The following KYNU variants were observed in gnomAD, a reference collection of about 807,000 sequenced individuals.
The protein encoded by KYNU is L-kynurenine hydrolase.
Under a neutral mutation model 59.2 loss-of-function variants are expected in KYNU, and 54 were observed. The observed-to-expected ratio is 0.91, with a 90% CI of 0.73 to 1.14. The LOEUF (loss-of-function observed/expected upper bound fraction) is 1.14. Ranked by LOEUF, KYNU falls within the 50% of genes most tolerant of loss-of-function variation. KYNU has a pLI of 0.00. For synonymous variants in KYNU, 177 were observed against 192.0 expected, an observed-to-expected ratio of 0.92 and a Z score of 0.65; for missense variants, 567 against 554.4, an observed-to-expected ratio of 1.02 and a Z score of -0.23.
chr2:142,892,695 G>A (rs932927408), intron 2 of KYNU, among the ~76,000 whole-genome samples: 1 of 152,134 alleles, frequency 6.6e-6, no homozygotes, highest in Admixed American at 6.5e-5. Context: ...AGTAGGAGAG[G>A]CATACCATGA....
chr2:142,967,016 A>G (rs2105114169), intron 8 of KYNU, among the ~76,000 whole-genome samples: 1 of 152,144 alleles, frequency 6.6e-6, no homozygotes. Flanking sequence ...CAGTTTGGCC[A>G]GGACTCAAGA....
chr2:142,947,246 G>A (rs956245291), intron 4 of KYNU: 39 of 1,547,676 alleles, frequency 2.5e-5, no homozygotes, highest in Admixed American at 1.6e-4. Flanking sequence ...AACCTTGAGA[G>A]AGGAAGATTT....
intron 8 of KYNU, among the ~76,000 whole-genome samples, chr2:142,973,391 C>A (rs1684791018): frequency 6.6e-6 from 1 of 152,124 alleles, no homozygotes; most frequent in African/African-American, 2.4e-5. Flanking sequence ...CTTCTCAGAA[C>A]CTCAAGCCTA....
chr2:142,894,771 A>C lies in KYNU; in HGVS notation c.169+9235A>C, dbSNP rs186263666. Among the ~76,000 whole-genome samples, 509 of 152,294 alleles carry C rather than the reference A, an allele frequency of 3.3e-3. 2 individuals are homozygous for C. The highest frequency in any genetic ancestry group is 5.6e-3 in the Non-Finnish European group (379 of 68,030). ...GGAAGAATATATATTTTCTTTTTTAAACTAATGCCATAGTTCAATTATTTA... is the reference window on the plus strand; with the variant it reads ...GGAAGAATATATATTTTCTTTTTTACACTAATGCCATAGTTCAATTATTTA... On this transcript the variant is annotated intron_variant, in intron 2 of 13. Transcript: ENST00000264170.
rs1487342618 is a variant in KYNU at position 143,007,742 on chromosome 2, G to A, written c.902+21721G>A. ...AACCCTACAAGCCAGAAGAGAGTGG[G>A]GGCCAATATTCAACATTCTTAAAGA... On this transcript the variant is annotated intron_variant, in intron 10 of 13. Coordinates refer to ENST00000264170, the MANE Select transcript of KYNU (RefSeq NM_003937.3). 2.4e-5 allele frequency among the ~76,000 whole-genome samples: 3 copies of A among 122,840 alleles called. 1 individual carries two copies. Among genetic ancestry groups the A allele is most frequent in the Non-Finnish European group, 4.9e-5 (3 of 61,004 alleles). 80.6% of individuals were successfully genotyped at this position (122,840 alleles called of 152,430 possible). A position where few individuals can be genotyped will look rare whatever the true frequency, so the allele number is the denominator to read the frequency against.
At chr2:142,972,813 T>TATATATAG (rs1478067181) in intron 8 of KYNU, among the ~76,000 whole-genome samples, 267 of 124,194 alleles carry the variant, frequency 2.1e-3, no homozygotes, top group African/African-American at 7.1e-3. Flanking sequence ...TATATATATA[T>TATATATAG]AGAGAGAGAG....
intron 4 of KYNU, among the ~76,000 whole-genome samples, chr2:142,929,311 A>G (rs1191999659): frequency 6.6e-6 from 1 of 150,486 alleles, no homozygotes; most frequent in African/African-American, 2.4e-5. Flanking sequence ...GATGATAATA[A>G]TATCTGGGGA....
At chr2:143,033,477 A>T (rs1489846161) in intron 12 of KYNU, among the ~76,000 whole-genome samples, 156 bp downstream of exon 12, 1 of 152,182 alleles carries the variant, frequency 6.6e-6, no homozygotes. Flanking sequence ...TAGGACAGTG[A>T]TGATGTGGTG....
At chr2:143,036,069 AT>A (rs1347718807) in intron 12 of KYNU, among the ~76,000 whole-genome samples, 1 of 151,290 alleles carries the variant, frequency 6.6e-6, no homozygotes, top group African/African-American at 2.4e-5. Flanking sequence ...TTATTTTTAA[AT>A]TTTTTTAGAG....
At position 142,892,663 on chromosome 2, in the gene KYNU, C is replaced by T. The variant is rs1681752246; in HGVS notation, c.169+7127C>T. Among the ~76,000 whole-genome samples the T allele has an allele frequency of 2.6e-5, 4 of 152,188 alleles. 1 individual carries two copies. The South Asian group carries it at 8.3e-4, about 32-fold the overall frequency. On this transcript the variant is annotated intron_variant, in intron 2 of 13. Coordinates refer to ENST00000264170, the MANE Select transcript of KYNU (RefSeq NM_003937.3). Reference sequence around the variant, plus strand: ...ATATTCAGTAAATACATGAAATACTCATTAAATAAACCTGATTTAGTAGTA... The same window carrying T: ...ATATTCAGTAAATACATGAAATACTTATTAAATAAACCTGATTTAGTAGTA...
intron 4 of KYNU, among the ~76,000 whole-genome samples, chr2:142,933,089 G>C (rs1234858542): frequency 6.6e-6 from 1 of 152,128 alleles, no homozygotes; most frequent in Non-Finnish European, 1.5e-5. Flanking sequence ...GTTATGGGTT[G>C]AATAAACTGT....
At chr2:142,939,602 C>CAAAAAA (rs71301737) in intron 4 of KYNU, among the ~76,000 whole-genome samples, 569 of 64,954 alleles carry the variant, frequency 8.8e-3, no homozygotes, top group East Asian at 0.018. Flanking sequence ...CTCCATCTCA[C>CAAAAAA]AAAAAAAAAA....
At chr2:143,032,374 A>AT (rs1314231767) in intron 11 of KYNU, among the ~76,000 whole-genome samples, 1 of 152,040 alleles carries the variant, frequency 6.6e-6, no homozygotes, top group Non-Finnish European at 1.5e-5. Context: ...TGAGAACGGC[A>AT]TGCAGGAAAC....
intron 3 of KYNU, among the ~76,000 whole-genome samples, chr2:142,926,922 A>G (rs1428255524): frequency 6.6e-6 from 1 of 152,194 alleles, no homozygotes; most frequent in Non-Finnish European, 1.5e-5. Context: ...AGATACAACA[A>G]TGTAACAGCA....
chr2:143,014,070 T>A lies in KYNU; in HGVS notation c.903-15557T>A, dbSNP rs189429931. On this transcript the variant is annotated intron_variant, in intron 10 of 13. Transcript: ENST00000264170. The stretch of plus-strand genomic sequence containing the variant: ...GAGGATATAGTATGAACCTGGGTTT[T>A]AAATGGAGGTGCTATCACACACAGG... Among the ~76,000 whole-genome samples, 325 of 152,340 alleles carry A rather than the reference T, an allele frequency of 2.1e-3. 2 individuals carry two copies. Among genetic ancestry groups the A allele is most frequent in the Admixed American group, 0.02 (307 of 15,294 alleles).
intron 12 of KYNU, among the ~76,000 whole-genome samples, chr2:143,037,873 C>T (rs894011977): frequency 3.9e-5 from 6 of 152,166 alleles, no homozygotes; most frequent in African/African-American, 1.4e-4. Context: ...CTTTTACCCT[C>T]TGTGAGATGA....
In KYNU at chr2:142,956,080, T is replaced by A. The variant is rs111542103; in HGVS notation, c.436-123T>A. On this transcript the variant is annotated intron_variant, in intron 5 of 13. Transcript: ENST00000264170. ...TGAAAAGGTAGTCCTGACAAACACT[T>A]AAGATGTTGAGTTAATTAATGTCTT... 1,650 of 612,356 alleles carry A rather than the reference T, an allele frequency of 2.7e-3. 18 individuals carry two copies. In the African/African-American group the frequency reaches 0.028, roughly 10 times the overall value. 37.9% of individuals were successfully genotyped at this position (612,356 alleles called of 1,614,324 possible).
chr2:142,904,199 A>G (rs1349590797), intron 2 of KYNU, among the ~76,000 whole-genome samples: 2 of 152,230 alleles, frequency 1.3e-5, no homozygotes, highest in African/African-American at 2.4e-5. Context: ...CTTAGTCTCT[A>G]CAGAAAGGCA....
chr2:143,043,340 A>G lies in KYNU; in HGVS notation c.*1168A>G, dbSNP rs1281108714. 3 of 152,068 alleles carry G rather than the reference A, an allele frequency of 2.0e-5. No homozygotes were observed. Among genetic ancestry groups the G allele is most frequent in the Non-Finnish European group, 4.4e-5 (3 of 67,974 alleles). The allele number at this position is 152,068 out of a possible 1,614,324, so 9.4% of individuals were successfully genotyped here. A position where few individuals can be genotyped will look rare whatever the true frequency, so the allele number is the denominator to read the frequency against. On this transcript the variant is annotated 3_prime_UTR_variant, in exon 14 of 14. Transcript: ENST00000264170. The stretch of plus-strand genomic sequence containing the variant: ...GCCCTGTTGGACTTACCTAGTTTTC[A>G]ATTGTTGATGCCACAATCATTATTT...
Sources: gnomAD v4.1 joint callset for allele counts (sites outside exome capture counted in the v4.1 genomes callset) on GRCh38, gnomAD v4.1.1 for gene constraint, MANE v1.5 for transcripts, NCBI Gene and HGNC (gene_info 2026-07-23, HGNC 2026-07-21) for gene names.